Variants in NFYA observed in about 807,000 individuals in gnomAD.
NFYA encodes the protein nuclear transcription factor Y subunit alpha, also known as CAAT-box DNA binding protein subunit A.
Under a neutral mutation model 52.8 loss-of-function variants are expected in NFYA, and 28 were observed. That is an observed-to-expected ratio of 0.53 (90% CI 0.39 to 0.73). The LOEUF is 0.73. Among genes scored for constraint, NFYA ranks in the 30% least tolerant of loss-of-function variants. NFYA has a pLI of 0.00. For missense variants in NFYA, 234 were observed against 427.0 expected, an observed-to-expected ratio of 0.55 and a Z score of 3.98; for synonymous variants, 150 against 150.7, an observed-to-expected ratio of 1.00 and a Z score of 0.03.
intron 1 of NFYA, among the ~76,000 whole-genome samples, chr6:41,076,568 C>T (rs1380395860): frequency 6.6e-6 from 1 of 152,194 alleles, no homozygotes; most frequent in African/African-American, 2.4e-5. Flanking sequence ...GGCTAAGTCT[C>T]AGCTTTTGCA....
chr6:41,086,460 T>G (rs1034351942), intron 4 of NFYA, among the ~76,000 whole-genome samples: 1 of 152,208 alleles, frequency 6.6e-6, no homozygotes, highest in Non-Finnish European at 1.5e-5. Context: ...AATAAAGCTC[T>G]CTAGGTGAGA....
Position 41,100,625 on chromosome 6 carries a change from A to C in NFYA, c.*3215A>C, listed in dbSNP as rs1242095747. ...GATAGCTTTAGTCAAACTGTGCTTGAGTTTGGCTTAGATTTATGCCAGTGG... is the reference window on the plus strand; with the variant it reads ...GATAGCTTTAGTCAAACTGTGCTTGCGTTTGGCTTAGATTTATGCCAGTGG... On this transcript the variant is annotated 3_prime_UTR_variant, in exon 10 of 10. Coordinates refer to ENST00000341376, the MANE Select transcript of NFYA (RefSeq NM_002505.5). 6.6e-6 allele frequency among the ~76,000 whole-genome samples: 1 copy of C among 152,224 alleles called. No individual in the cohort carries two copies. The highest frequency in any genetic ancestry group is 1.5e-5 in the Non-Finnish European group (1 of 68,044).
chr6:41,073,845 G>C (rs1377055607), intron 1 of NFYA, among the ~76,000 whole-genome samples: 6 of 152,090 alleles, frequency 3.9e-5, no homozygotes, highest in Non-Finnish European at 8.8e-5. Context: ...CACCCCTTTT[G>C]GCTCGTCATT....
At position 41,099,397 on chromosome 6, in the gene NFYA, G is replaced by A. The variant is rs1221530768; in HGVS notation, c.*1987G>A. 6.6e-6 allele frequency: 1 copy of A among 152,246 alleles called. No individual in the cohort carries two copies. Among genetic ancestry groups the A allele is most frequent in the African/African-American group, 2.4e-5 (1 of 41,472 alleles). 9.4% of individuals were successfully genotyped at this position (152,246 alleles called of 1,614,324 possible). A position where few individuals can be genotyped will look rare whatever the true frequency, so the allele number is the denominator to read the frequency against. ...TAGAAGATGCTATTTATTTGTGTCT[G>A]TAAGTTTGTACATAGTAATGCCAGC... On this transcript the variant is annotated 3_prime_UTR_variant, in exon 10 of 10. Coordinates refer to ENST00000341376, the MANE Select transcript of NFYA (RefSeq NM_002505.5).
rs375345037 is a variant in NFYA, at chr6:41,081,418, A to G, written c.162+521A>G. ...AGCAGGAGAATGGCGTGAACCCAGG[A>G]GGCAGAGCTTGCAGTGAGCAGAGAT... On this transcript the variant is annotated intron_variant, in intron 3 of 9. Coordinates refer to ENST00000341376, the MANE Select transcript of NFYA (RefSeq NM_002505.5). Among the ~76,000 whole-genome samples, 612 of 152,052 alleles carry G rather than the reference A, an allele frequency of 4.0e-3. 11 individuals carry two copies. In the South Asian group the frequency reaches 0.061, roughly 15 times the overall value.
rs561662127 is a variant in NFYA at position 41,090,795 on chromosome 6, T to C, written c.547+486T>C. ...ACAATGCAGGGCCCTCATGGAAGTATGTTCTAGGAATAGATAACATAAATA... is the reference window on the plus strand; with the variant it reads ...ACAATGCAGGGCCCTCATGGAAGTACGTTCTAGGAATAGATAACATAAATA... On this transcript the variant is annotated intron_variant, in intron 6 of 9. Coordinates refer to ENST00000341376, the MANE Select transcript of NFYA (RefSeq NM_002505.5). 1.9e-3 allele frequency among the ~76,000 whole-genome samples: 283 copies of C among 152,352 alleles called. 1 individual carries two copies. The highest frequency in any genetic ancestry group is 6.8e-3 in the Middle Eastern group (2 of 294).
rs562976452 is a variant in NFYA, at chr6:41,101,132, C to T, written c.*3722C>T. ...TTCGGAAGCCTCGGGGATGGGAACC[C>T]GAGCTCGCCACGGCCCAGGGCGTCC... On this transcript the variant is annotated 3_prime_UTR_variant, in exon 10 of 10. Coordinates refer to ENST00000341376, the MANE Select transcript of NFYA (RefSeq NM_002505.5). The T allele has an allele frequency of 2.0e-5, 3 of 152,230 alleles. No individual in the cohort carries two copies. Among genetic ancestry groups the T allele is most frequent in the African/African-American group, 7.2e-5 (3 of 41,470 alleles). 9.4% of individuals were successfully genotyped at this position (152,230 alleles called of 1,614,324 possible).
intron 9 of NFYA, among the ~76,000 whole-genome samples, chr6:41,096,227 A>G (rs1048211511): frequency 2.0e-5 from 3 of 152,194 alleles, no homozygotes; most frequent in African/African-American, 7.2e-5. Context: ...CAATCAAACT[A>G]GGTTTCCTCA....
chr6:41,091,462 CTA>C (rs1417755237), intron 6 of NFYA, 64 bp from the exon 7 acceptor site: 1 of 1,509,632 alleles, frequency 6.6e-7, no homozygotes, highest in Non-Finnish European at 9.1e-7. Flanking sequence ...GAGGGACTAA[CTA>C]TGTTCCCTTC....
At chr6:41,081,489 CAA>C (rs879592136) in intron 3 of NFYA, among the ~76,000 whole-genome samples, 25 of 102,094 alleles carry the variant, frequency 2.4e-4, no homozygotes, top group African/African-American at 8.0e-4. Flanking sequence ...GACTCCGTCT[CAA>C]AAAAAAAAAA....
rs1043002544 is a variant in NFYA, at chr6:41,100,332, G to A, written c.*2922G>A. Among the ~76,000 whole-genome samples the A allele has an allele frequency of 6.6e-6, 1 of 152,138 alleles. No individual in the cohort carries two copies. Among genetic ancestry groups the A allele is most frequent in the Non-Finnish European group, 1.5e-5 (1 of 68,024 alleles). Reference sequence around the variant, plus strand: ...CAGGTAGTGAAGATGTACTATTTACGTTTTGTTAGATTTTGTTTTGGCAGA... The same window carrying A: ...CAGGTAGTGAAGATGTACTATTTACATTTTGTTAGATTTTGTTTTGGCAGA... On this transcript the variant is annotated 3_prime_UTR_variant, in exon 10 of 10. Transcript: ENST00000341376.
intron 4 of NFYA, among the ~76,000 whole-genome samples, chr6:41,088,594 G>GT (rs749038996): frequency 1.6e-4 from 25 of 151,678 alleles, no homozygotes; most frequent in Non-Finnish European, 2.4e-4. Flanking sequence ...TTCTTTGTTT[G>GT]TTTTTTTGAG....
intron 6 of NFYA, among the ~76,000 whole-genome samples, chr6:41,090,966 CAG>C (rs1168573904): frequency 6.6e-6 from 1 of 152,126 alleles, no homozygotes; most frequent in African/African-American, 2.4e-5. Flanking sequence ...ATACAGGATC[CAG>C]AGAGTGCACT....
rs1193915553 is a variant in NFYA at position 41,101,219 on chromosome 6, C to T, written c.*3809C>T. ...GGCACTTGCACTTAAGTCTCCTGGC[C>T]TGCGGGAGAGGCGGCCGTTGGGTCT... On this transcript the variant is annotated 3_prime_UTR_variant, in exon 10 of 10. Transcript: ENST00000341376. 2 of 152,288 alleles carry T rather than the reference C, an allele frequency of 1.3e-5. No homozygotes were observed. Among genetic ancestry groups the T allele is most frequent in the Non-Finnish European group, 2.9e-5 (2 of 68,082 alleles). 9.4% of individuals were successfully genotyped at this position (152,288 alleles called of 1,614,324 possible).
chr6:41,084,573 A>T (rs1207648520), intron 4 of NFYA, among the ~76,000 whole-genome samples: 44 of 152,396 alleles, frequency 2.9e-4, no homozygotes, highest in Non-Finnish European at 4.4e-4. Context: ...AAGGATAAAT[A>T]AAATCTAGAT....
intron 1 of NFYA, among the ~76,000 whole-genome samples, chr6:41,078,672 TAAAG>T (rs1472496510): frequency 6.6e-6 from 1 of 152,220 alleles, no homozygotes; most frequent in Non-Finnish European, 1.5e-5. Flanking sequence ...TGTTACAACT[TAAAG>T]AAGCTTTATT....
chr6:41,090,838 G>A (rs1184926697), intron 6 of NFYA, among the ~76,000 whole-genome samples: 1 of 152,226 alleles, frequency 6.6e-6, no homozygotes, highest in Non-Finnish European at 1.5e-5. Context: ...TTTGGTCTGG[G>A]AGGAGGAGTG....
Position 41,091,658 on chromosome 6 carries a change from G to A in NFYA, c.678G>A (p.Val226=), listed in dbSNP as rs768074901. The A allele has an allele frequency of 6.2e-7, 1 of 1,614,192 alleles. No individual in the cohort carries two copies. Reference sequence around the variant, plus strand: ...GGACTGTCACTGTGACACTACCAGTGGCAGGCAATGTGGTCAATTCAGGAG... The same window carrying A: ...GGACTGTCACTGTGACACTACCAGTAGCAGGCAATGTGGTCAATTCAGGAG... ...GQGTVTVTLP[V]AGNVVNSGGM... The change falls in exon 7 of 10, where the codon GTG becomes GTA. Residue 226 remains valine (V), a synonymous_variant. Transcript: ENST00000341376.
chr6:41,090,109 G>A, intron 5 of NFYA, 95 bp from the exon 6 acceptor site: 1 of 822,388 alleles, frequency 1.2e-6, no homozygotes, highest in African/African-American at 1.7e-5. Flanking sequence ...GTGAGACTCT[G>A]TCTCAAAAAA....
Sources: allele counts gnomAD v4.1 joint callset (sites outside exome capture counted in the v4.1 genomes callset), GRCh38; gene constraint gnomAD v4.1.1; transcripts MANE v1.5; gene names NCBI Gene and HGNC (gene_info 2026-07-23, HGNC 2026-07-21).